Variants in PCDHA2 observed in about 807,000 individuals in gnomAD.
PCDHA2 encodes protocadherin alpha 2.
In PCDHA2, 58 loss-of-function variants were observed where a neutral mutation model predicts 66.0. The observed-to-expected ratio is 0.88, with a 90% CI of 0.71 to 1.09. PCDHA2 has a LOEUF of 1.09. Ranked by LOEUF, PCDHA2 falls within the 50% of genes least tolerant of loss-of-function variation. The pLI is 0.00. For synonymous variants in PCDHA2, 634 were observed against 554.0 expected, an observed-to-expected ratio of 1.14 and a Z score of -2.03; for missense variants, 1,267 against 1,242.3, an observed-to-expected ratio of 1.02 and a Z score of -0.30.
intron 1 of PCDHA2, among the ~76,000 whole-genome samples, chr5:140,912,273 A>G (rs551128589): frequency 1.3e-5 from 2 of 151,890 alleles, no homozygotes; most frequent in South Asian, 4.2e-4. Flanking sequence ...TCACAGATAT[A>G]CCCAGGAACA....
intron 1 of PCDHA2, among the ~76,000 whole-genome samples, chr5:140,893,346 C>A (rs1368723678): frequency 6.6e-6 from 1 of 152,104 alleles, no homozygotes; most frequent in Non-Finnish European, 1.5e-5. Context: ...AGTGGCAGTG[C>A]TAATTTACAT....
chr5:140,852,577 T>G, intron 1 of PCDHA2: 3 of 825,200 alleles, frequency 3.6e-6, no homozygotes, highest in Non-Finnish European at 3.0e-6. Flanking sequence ...TGCCAAGGCT[T>G]TTTTATTTTT....
At position 140,850,957 on chromosome 5, in the gene PCDHA2, CA is replaced by C; in HGVS notation, c.2388+53606del. On this transcript the variant is annotated intron_variant, in intron 1 of 3. Transcript: ENST00000526136. ...CTTGAAAGATATTATCGATTACTCCCAGGGGCCGTTCAAATAGTTTTATTCA... is the reference window on the plus strand; with the variant it reads ...CTTGAAAGATATTATCGATTACTCCCGGGGCCGTTCAAATAGTTTTATTCA... The C allele has an allele frequency of 1.1e-5, 17 of 1,481,512 alleles. 4 individuals are homozygous for C. The highest frequency in any genetic ancestry group is 1.5e-5 in the Non-Finnish European group (17 of 1,106,408). The allele number at this position is 1,481,512 out of a possible 1,614,324, so 91.8% of individuals were successfully genotyped here. A position where few individuals can be genotyped will look rare whatever the true frequency, so the allele number is the denominator to read the frequency against.
intron 1 of PCDHA2, chr5:140,827,943 A>T: frequency 1.7e-6 from 2 of 1,183,778 alleles, no homozygotes; most frequent in Admixed American, 2.3e-5. Flanking sequence ...TAGCTAGCCA[A>T]CATTCAAATT....
At chr5:140,983,882 A>G (rs1203287819) in intron 3 of PCDHA2, among the ~76,000 whole-genome samples, 2 of 152,224 alleles carry the variant, frequency 1.3e-5, no homozygotes, top group East Asian at 3.8e-4. Flanking sequence ...TTTACTGGCA[A>G]CTTTAAGGGC....
At chr5:140,884,396 C>T (rs2060144550) in intron 1 of PCDHA2, 1 of 1,614,012 alleles carries the variant, frequency 6.2e-7, no homozygotes, top group Middle Eastern at 1.6e-4. Context: ...GGTGTCCAGC[C>T]TGTTGGTGCT....
rs189065461 is a variant in PCDHA2, at chr5:140,869,908, C to A, written c.2388+72556C>A. ...TGTGCTCAAACTAAACGCCACAGACCGAGACGAAGGAGTCAATGGAGAGGT... is the reference window on the plus strand; with the variant it reads ...TGTGCTCAAACTAAACGCCACAGACAGAGACGAAGGAGTCAATGGAGAGGT... On this transcript the variant is annotated intron_variant, in intron 1 of 3. Coordinates refer to ENST00000526136, the MANE Select transcript of PCDHA2 (RefSeq NM_018905.3). 6.2e-6 allele frequency: 10 copies of A among 1,610,646 alleles called. No homozygotes were observed. In the Admixed American group the frequency reaches 6.7e-5, roughly 11 times the overall value.
At chr5:140,858,195 A>G in intron 1 of PCDHA2, 1 of 1,597,156 alleles carries the variant, frequency 6.3e-7, no homozygotes, top group East Asian at 2.2e-5. Flanking sequence ...CTGCTGCTGT[A>G]CACTGCACTG....
At chr5:140,812,224 A>C (rs1329241835) in intron 1 of PCDHA2, 1 of 151,604 alleles carries the variant, frequency 6.6e-6, no homozygotes, top group Non-Finnish European at 1.5e-5. Context: ...TAGATTTTTT[A>C]TGATTATGTC....
At position 140,877,198 on chromosome 5, in the gene PCDHA2, G is replaced by A. The variant is rs781787046; in HGVS notation, c.2388+79846G>A. On this transcript the variant is annotated intron_variant, in intron 1 of 3. Transcript: ENST00000526136. Reference sequence around the variant, plus strand: ...GACTCCGGCTGGCAGCGCAGGAGGCGCAGTTAGCGAGTTGGTACCGCGGTC... The same window carrying A: ...GACTCCGGCTGGCAGCGCAGGAGGCACAGTTAGCGAGTTGGTACCGCGGTC... The A allele has an allele frequency of 1.5e-5, 24 of 1,613,830 alleles. No individual in the cohort carries two copies. The highest frequency in any genetic ancestry group is 7.7e-5 in the South Asian group (7 of 91,064).
At chr5:141,005,944 C>T (rs1563696119) in intron 3 of PCDHA2, among the ~76,000 whole-genome samples, 1 of 151,862 alleles carries the variant, frequency 6.6e-6, no homozygotes, top group African/African-American at 2.4e-5. Context: ...GAGAACCTAT[C>T]TCTAACAAAC....
At chr5:140,839,261 T>A (rs1477628159) in intron 1 of PCDHA2, among the ~76,000 whole-genome samples, 1 of 152,104 alleles carries the variant, frequency 6.6e-6, no homozygotes, top group African/African-American at 2.4e-5. Context: ...CTTACATGCA[T>A]GTATATTTAA....
At position 140,857,621 on chromosome 5, in the gene PCDHA2, G is replaced by A. The variant is rs962164938; in HGVS notation, c.2388+60269G>A. ...GTACGCGCTGCAGCCGCTGGACCAC[G>A]AGGAGCTGGAGCTGCTACAGTTCCA... On this transcript the variant is annotated intron_variant, in intron 1 of 3. Transcript: ENST00000526136. The A allele has an allele frequency of 4.4e-6, 7 of 1,596,528 alleles. 1 individual carries two copies. In the African/African-American group the frequency reaches 8.1e-5, roughly 18 times the overall value.
rs781970935 is a variant in PCDHA2 at position 140,982,505 on chromosome 5, A to G, written c.2478A>G (p.Leu826=). The change falls in exon 3 of 4, where the codon CTA becomes CTG. Residue 826 remains leucine (L), a synonymous_variant. Coordinates refer to ENST00000526136, the MANE Select transcript of PCDHA2 (RefSeq NM_018905.3). ...TGCACCTAGAGGAGGCTGGCATTCT[A>G]CGGGCTGGTCCAGGAGGGCCTGATC... ...SSVHLEEAGI[L]RAGPGGPDQQ... The G allele has an allele frequency of 1.2e-6, 2 of 1,614,220 alleles. No homozygotes were observed. The highest frequency in any genetic ancestry group is 8.5e-7 in the Non-Finnish European group (1 of 1,180,032).
At chr5:140,927,808 T>A (rs782535814) in intron 1 of PCDHA2, 1 of 1,614,208 alleles carries the variant, frequency 6.2e-7, no homozygotes, top group African/African-American at 1.3e-5. Context: ...TGAAACGCTC[T>A]TGGAGGCATA....
intron 1 of PCDHA2, chr5:140,966,695 C>G: frequency 7.4e-7 from 1 of 1,358,486 alleles, no homozygotes; most frequent in Non-Finnish European, 9.5e-7. Flanking sequence ...AGGCGGGGCC[C>G]GGGCGTGGGG....
chr5:140,992,590 T>C (rs536991072), intron 3 of PCDHA2, among the ~76,000 whole-genome samples: 1 of 152,300 alleles, frequency 6.6e-6, no homozygotes, highest in East Asian at 1.9e-4. Flanking sequence ...TGTATGCATC[T>C]AGCGTCTGTG....
intron 3 of PCDHA2, among the ~76,000 whole-genome samples, chr5:140,989,557 G>A (rs933151682): frequency 6.6e-6 from 1 of 152,166 alleles, no homozygotes; most frequent in Non-Finnish European, 1.5e-5. Context: ...TTTACGTTTT[G>A]TGGCTCCGGC....
At chr5:140,961,446 T>G (rs1318543773) in intron 1 of PCDHA2, among the ~76,000 whole-genome samples, 1 of 152,238 alleles carries the variant, frequency 6.6e-6, no homozygotes. Flanking sequence ...CTAACTACAC[T>G]GTCTTGCAGC....
Sources: allele counts gnomAD v4.1 joint callset (sites outside exome capture counted in the v4.1 genomes callset), GRCh38; gene constraint gnomAD v4.1.1; transcripts MANE v1.5; gene names NCBI Gene and HGNC (gene_info 2026-07-23, HGNC 2026-07-21).